Variants in EPHB1 observed in about 807,000 individuals in gnomAD.
The protein encoded by EPHB1 is EPH receptor B1.
In EPHB1, 30 loss-of-function variants were observed where a neutral mutation model predicts 94.4. The ratio of observed to expected loss-of-function variants is 0.32; its 90% CI spans 0.24 to 0.43. The LOEUF is 0.43. Among genes scored for constraint, EPHB1 ranks in the 20% least tolerant of loss-of-function variants. The pLI is 1.00. For synonymous variants in EPHB1, 522 were observed against 489.1 expected, an observed-to-expected ratio of 1.07 and a Z score of -0.89; for missense variants, 1,055 against 1,308.3, an observed-to-expected ratio of 0.81 and a Z score of 2.99.
chr3:134,826,904 C>T (rs1167557515), intron 1 of EPHB1, among the ~76,000 whole-genome samples: 1 of 152,178 alleles, frequency 6.6e-6, no homozygotes, highest in African/African-American at 2.4e-5. Flanking sequence ...CTCTGAACAT[C>T]TGACGCAACA....
chr3:135,202,930 T>C (rs1942796722), intron 12 of EPHB1, among the ~76,000 whole-genome samples: 1 of 152,186 alleles, frequency 6.6e-6, no homozygotes, highest in Admixed American at 6.5e-5. Context: ...TGTATGTTTT[T>C]TGCAGCACTA....
intron 4 of EPHB1, among the ~76,000 whole-genome samples, chr3:135,121,866 A>G (rs753616213): frequency 1.3e-5 from 2 of 152,008 alleles, no homozygotes; most frequent in Non-Finnish European, 2.9e-5. Context: ...TAGAAAGTGA[A>G]TAGATGGAAA....
In EPHB1 at chr3:135,213,909, C is replaced by T. The variant is rs774190525; in HGVS notation, c.2346+12220C>T. The stretch of plus-strand genomic sequence containing the variant: ...GCTTTGCTCGAGCCTTCTGCACAGC[C>T]GTGCTCTCTGCAGGCCTCCCTGTAT... On this transcript the variant is annotated intron_variant, in intron 12 of 15. Transcript: ENST00000398015. Among the ~76,000 whole-genome samples, 5 of 152,186 alleles carry T rather than the reference C, an allele frequency of 3.3e-5. 1 individual carries two copies. Among genetic ancestry groups the T allele is most frequent in the Admixed American group, 1.3e-4 (2 of 15,282 alleles).
At chr3:134,923,708 C>T (rs2038734295) in intron 1 of EPHB1, among the ~76,000 whole-genome samples, 1 of 152,124 alleles carries the variant, frequency 6.6e-6, no homozygotes, top group African/African-American at 2.4e-5. Flanking sequence ...GTTTTAATTC[C>T]CTTAGTCCTG....
intron 3 of EPHB1, among the ~76,000 whole-genome samples, chr3:135,031,260 C>T (rs1936456030): frequency 6.6e-6 from 1 of 152,118 alleles, no homozygotes; most frequent in Non-Finnish European, 1.5e-5. Context: ...AAGAAGGTTA[C>T]AAAGAATCCC....
chr3:135,053,027 G>GTGTGTATATATATATATATA (rs1256844091), intron 3 of EPHB1, among the ~76,000 whole-genome samples: 2 of 110,472 alleles, frequency 1.8e-5, no homozygotes. Flanking sequence ...GTGTGTGTGT[G>GTGTGTATATATATATATATA]TATATATATA....
intron 3 of EPHB1, among the ~76,000 whole-genome samples, chr3:134,974,233 C>A (rs1369963992): frequency 6.6e-6 from 1 of 152,150 alleles, no homozygotes; most frequent in South Asian, 2.1e-4. Context: ...TACATACACA[C>A]ACATGCGCAC....
intron 2 of EPHB1, among the ~76,000 whole-genome samples, chr3:134,927,946 T>A (rs915354885): frequency 2.6e-5 from 4 of 152,226 alleles, no homozygotes; most frequent in Non-Finnish European, 5.9e-5. Flanking sequence ...GATCAAGGAC[T>A]ATGCTTCCAT....
intron 2 of EPHB1, among the ~76,000 whole-genome samples, chr3:134,947,987 G>T (rs377013652): frequency 2.6e-5 from 4 of 151,952 alleles, no homozygotes; most frequent in East Asian, 1.9e-4. Flanking sequence ...TAGAGATGGG[G>T]TCTCTCTGTG....
At position 135,259,084 on chromosome 3, in the gene EPHB1, G is replaced by C; in HGVS notation, c.2919G>C (p.Arg973Ser). The change falls in exon 16 of 16, where the codon AGG becomes AGC. Residue 973 changes from arginine to serine, a missense_variant. Coordinates refer to ENST00000398015, the MANE Select transcript of EPHB1 (RefSeq NM_004441.5). ...KKILNSIHSMRVQISQSPTAM... is the reference protein window; with the variant it reads ...KKILNSIHSMSVQISQSPTAM... Reference sequence around the variant, plus strand: ...TCCTGAACAGCATTCATTCTATGAGGGTCCAGATAAGTCAGTCACCAACGG... The same window carrying C: ...TCCTGAACAGCATTCATTCTATGAGCGTCCAGATAAGTCAGTCACCAACGG... 1 of 1,610,422 alleles carries C rather than the reference G, an allele frequency of 6.2e-7. No individual in the cohort carries two copies. Among genetic ancestry groups the C allele is most frequent in the Non-Finnish European group, 8.5e-7 (1 of 1,178,526 alleles).
intron 4 of EPHB1, among the ~76,000 whole-genome samples, chr3:135,107,642 A>G (rs559018578): frequency 8.5e-5 from 13 of 152,282 alleles, no homozygotes; most frequent in African/African-American, 3.1e-4. Flanking sequence ...TATTTCATTT[A>G]TACTTTCTGT....
At chr3:135,145,337 TA>T (rs987659099) in intron 5 of EPHB1, among the ~76,000 whole-genome samples, 5 of 151,912 alleles carry the variant, frequency 3.3e-5, no homozygotes, top group Non-Finnish European at 5.9e-5. Context: ...TTCATATATT[TA>T]AAAAAAAGAT....
At chr3:135,083,281 C>T (rs1480709378) in intron 3 of EPHB1, among the ~76,000 whole-genome samples, 1 of 151,964 alleles carries the variant, frequency 6.6e-6, no homozygotes, top group Non-Finnish European at 1.5e-5. Context: ...TGTGGGATCT[C>T]TGGCAGGTGT....
intron 3 of EPHB1, among the ~76,000 whole-genome samples, chr3:135,012,266 G>A (rs1306473170): frequency 6.6e-6 from 1 of 152,226 alleles, no homozygotes; most frequent in Non-Finnish European, 1.5e-5. Flanking sequence ...CATCAACATT[G>A]CAGCTTGGTG....
At chr3:135,258,753 C>G (rs1373011674) in intron 15 of EPHB1, among the ~76,000 whole-genome samples, 1 of 152,140 alleles carries the variant, frequency 6.6e-6, no homozygotes, top group Non-Finnish European at 1.5e-5. Flanking sequence ...GCCTTAGAGC[C>G]CGTACATAAG....
At chr3:135,038,170 A>G (rs765979606) in intron 3 of EPHB1, among the ~76,000 whole-genome samples, 1 of 152,246 alleles carries the variant, frequency 6.6e-6, no homozygotes, top group Non-Finnish European at 1.5e-5. Context: ...TCCTGCTTAT[A>G]TAACATGTGT....
chr3:134,932,093 A>C (rs1316906076), intron 2 of EPHB1, among the ~76,000 whole-genome samples: 5 of 151,996 alleles, frequency 3.3e-5, no homozygotes, highest in African/African-American at 1.2e-4. Flanking sequence ...GTGCTTCAGT[A>C]AGCAGTTCTA....
chr3:134,885,327 G>A (rs564381409), intron 1 of EPHB1, among the ~76,000 whole-genome samples: 34 of 152,260 alleles, frequency 2.2e-4, no homozygotes, highest in East Asian at 1.7e-3. Context: ...ATTAAACAAC[G>A]ACAACAAAAT....
chr3:135,065,613 ATAGT>A (rs1309118539), intron 3 of EPHB1, among the ~76,000 whole-genome samples: 3 of 152,148 alleles, frequency 2.0e-5, no homozygotes, highest in African/African-American at 7.2e-5. Flanking sequence ...AAGGCAGCAG[ATAGT>A]TGGTTGTTGA....
Sources: gnomAD v4.1 joint callset for allele counts (sites outside exome capture counted in the v4.1 genomes callset) on GRCh38, gnomAD v4.1.1 for gene constraint, MANE v1.5 for transcripts, NCBI Gene and HGNC (gene_info 2026-07-23, HGNC 2026-07-21) for gene names.